The following KCND2 variants were observed in gnomAD, a reference collection of about 807,000 sequenced individuals.
KCND2 encodes potassium voltage-gated channel subfamily D member 2.
Under a neutral mutation model 54.4 loss-of-function variants are expected in KCND2, and 16 were observed. The observed-to-expected ratio is 0.29, with a 90% confidence interval of 0.20 to 0.45. The LOEUF (loss-of-function observed/expected upper bound fraction) is 0.45. Ranked by LOEUF, KCND2 falls within the 20% of genes least tolerant of loss-of-function variation. The pLI is 1.00. For missense variants in KCND2, 486 were observed against 824.2 expected, an observed-to-expected ratio of 0.59 and a Z score of 5.02; for synonymous variants, 317 against 310.7, an observed-to-expected ratio of 1.02 and a Z score of -0.21.
intron 1 of KCND2, among the ~76,000 whole-genome samples, chr7:120,537,394 C>T (rs1041817909): frequency 3.3e-5 from 5 of 152,144 alleles, no homozygotes; most frequent in African/African-American, 1.2e-4. Context: ...CTGGATTTAG[C>T]ACAATTGTTA....
chr7:120,503,466 T>G (rs529080236), intron 1 of KCND2, among the ~76,000 whole-genome samples: 1 of 151,954 alleles, frequency 6.6e-6, no homozygotes, highest in Non-Finnish European at 1.5e-5. Flanking sequence ...TGTACTTTTT[T>G]CAGTCACTTT....
intron 1 of KCND2, among the ~76,000 whole-genome samples, chr7:120,602,318 T>C (rs1792823889): frequency 6.6e-6 from 1 of 152,200 alleles, no homozygotes; most frequent in Non-Finnish European, 1.5e-5. Flanking sequence ...ACCTCTGTTT[T>C]TTCCACAAGT....
At chr7:120,586,345 CT>C (rs1289908709) in intron 1 of KCND2, among the ~76,000 whole-genome samples, 2 of 152,074 alleles carry the variant, frequency 1.3e-5, no homozygotes, top group East Asian at 3.9e-4. Context: ...TTCTCATTTC[CT>C]CCATTTAAAT....
chr7:120,520,024 A>C (rs1358160954), intron 1 of KCND2, among the ~76,000 whole-genome samples: 2 of 152,216 alleles, frequency 1.3e-5, no homozygotes, highest in East Asian at 3.9e-4. Flanking sequence ...TTTTTTCAAA[A>C]GTAATGATTG....
At chr7:120,528,506 T>C (rs1464200229) in intron 1 of KCND2, among the ~76,000 whole-genome samples, 2 of 152,162 alleles carry the variant, frequency 1.3e-5, no homozygotes, top group African/African-American at 4.8e-5. Flanking sequence ...TTATGTGTCA[T>C]TTAGAAGTAA....
chr7:120,490,092 G>C (rs1584799308), intron 1 of KCND2, among the ~76,000 whole-genome samples: 1 of 152,116 alleles, frequency 6.6e-6, no homozygotes. Flanking sequence ...CAGAATGACT[G>C]TCTTCATAGC....
intron 1 of KCND2, among the ~76,000 whole-genome samples, chr7:120,640,731 T>C (rs182196910): frequency 6.6e-6 from 1 of 152,330 alleles, no homozygotes; most frequent in East Asian, 1.9e-4. Context: ...CTGCTAATAG[T>C]TCCTCTATTT....
At chr7:120,677,413 G>A (rs554624159) in intron 1 of KCND2, among the ~76,000 whole-genome samples, 112 of 152,052 alleles carry the variant, frequency 7.4e-4, no homozygotes, top group Non-Finnish European at 1.3e-3. Context: ...CCATTTGTGA[G>A]TCCCAAAGGT....
At chr7:120,623,953 A>T (rs9641644) in intron 1 of KCND2, among the ~76,000 whole-genome samples, 4,309 of 152,276 alleles carry the variant, frequency 0.028, 170 homozygotes, top group African/African-American at 0.09. Context: ...TAGATTAGAT[A>T]AAAAATAATT....
intron 1 of KCND2, among the ~76,000 whole-genome samples, chr7:120,405,800 G>A (rs1372914246): frequency 6.6e-6 from 1 of 152,066 alleles, no homozygotes; most frequent in African/African-American, 2.4e-5. Flanking sequence ...GATATTAAGT[G>A]TAGAATGAAG....
chr7:120,732,136 T>A (rs777764025), intron 1 of KCND2, among the ~76,000 whole-genome samples: 1 of 151,906 alleles, frequency 6.6e-6, no homozygotes, highest in African/African-American at 2.4e-5. Context: ...TTGGACAAAG[T>A]CACATAGGAA....
intron 1 of KCND2, among the ~76,000 whole-genome samples, chr7:120,431,095 G>C (rs2116164286): frequency 6.6e-6 from 1 of 152,260 alleles, no homozygotes; most frequent in Non-Finnish European, 1.5e-5. Flanking sequence ...CTTGGATTTT[G>C]ACTATCTGTG....
intron 1 of KCND2, among the ~76,000 whole-genome samples, chr7:120,559,023 G>A (rs1356435835): frequency 1.3e-5 from 2 of 151,884 alleles, no homozygotes; most frequent in African/African-American, 4.8e-5. Flanking sequence ...GTTTCTGTGT[G>A]TGTATGTGTG....
chr7:120,556,426 C>A (rs559662883), intron 1 of KCND2, among the ~76,000 whole-genome samples: 1 of 152,300 alleles, frequency 6.6e-6, no homozygotes, highest in African/African-American at 2.4e-5. Flanking sequence ...AAAGAGCCTT[C>A]TCTCAAGAAG....
intron 1 of KCND2, among the ~76,000 whole-genome samples, chr7:120,348,628 T>G (rs1800358839): frequency 6.6e-6 from 1 of 152,192 alleles, no homozygotes; most frequent in African/African-American, 2.4e-5. Context: ...GAAGTCTGAT[T>G]GAAACATACA....
chr7:120,360,807 A>G (rs1214751721), intron 1 of KCND2, among the ~76,000 whole-genome samples: 1 of 152,110 alleles, frequency 6.6e-6, no homozygotes. Context: ...TAAGAAAACA[A>G]TGGATGGAAA....
intron 1 of KCND2, chr7:120,672,967 C>T (rs1039033330): frequency 7.9e-5 from 12 of 151,736 alleles, no homozygotes; most frequent in Admixed American, 5.9e-4. Context: ...TGAAGTGTCT[C>T]ATATTAAAAG....
At chr7:120,527,194 G>A (rs1297005767) in intron 1 of KCND2, among the ~76,000 whole-genome samples, 1 of 152,036 alleles carries the variant, frequency 6.6e-6, no homozygotes, top group Non-Finnish European at 1.5e-5. Context: ...GATTCAATTA[G>A]CAAGAACACG....
chr7:120,600,106 G>A (rs553740417), intron 1 of KCND2, among the ~76,000 whole-genome samples: 1 of 151,538 alleles, frequency 6.6e-6, no homozygotes, highest in Non-Finnish European at 1.5e-5. Flanking sequence ...AAAGAACTTA[G>A]TAAGAGTCCA....
Sources: gnomAD v4.1 joint callset for allele counts (sites outside exome capture counted in the v4.1 genomes callset) on GRCh38, gnomAD v4.1.1 for gene constraint, MANE v1.5 for transcripts, NCBI Gene and HGNC (gene_info 2026-07-23, HGNC 2026-07-21) for gene names.